The following QSER1 variants were observed in gnomAD, a reference collection of about 807,000 sequenced individuals.
The protein encoded by QSER1 is glutamine and serine rich 1, also known as glutamine and serine-rich protein 1.
Under a neutral mutation model 158.5 loss-of-function variants are expected in QSER1, and 49 were observed. The ratio of observed to expected loss-of-function variants is 0.31; its 90% CI spans 0.25 to 0.39. The LOEUF (loss-of-function observed/expected upper bound fraction) is 0.39. Among genes scored for constraint, QSER1 ranks in the 10% least tolerant of loss-of-function variants. The pLI is 1.00. For missense variants in QSER1, 1,754 were observed against 2,010.3 expected (o/e 0.87, Z 2.44); for synonymous variants, 650 against 715.5 (o/e 0.91, Z 1.46).
At chr11:32,958,152 G>A (rs926210324) in intron 8 of QSER1, 66 bp downstream of exon 8, 2 of 1,214,440 alleles carry the variant, frequency 1.6e-6, no homozygotes, top group Non-Finnish European at 2.4e-6. Flanking sequence ...TGAGGAGCAG[G>A]ATGCTGACAA....
chr11:32,913,116 T>C (rs1044425238), intron 1 of QSER1, among the ~76,000 whole-genome samples: 2 of 151,762 alleles, frequency 1.3e-5, no homozygotes, highest in African/African-American at 4.8e-5. Flanking sequence ...TCTTCATATA[T>C]GTGATTTTTA....
Position 32,954,024 on chromosome 11 carries a change from C to T in QSER1, c.4345C>T (p.Leu1449Phe). ...SSSESSKPIE[L>F]DGLPSDQFAK... ...TTCAGAATCCTCAAAGCCCATTGAA[C>T]TTGATGGTCTTCCTTCAGACCAGTT... Residue 1449 changes from leucine (L) to phenylalanine (F), a missense_variant, in exon 5 of 13, where the codon CTT (leucine) becomes TTT (phenylalanine). Leu to Phe is a conservative substitution (Grantham distance 22, BLOSUM62 0). This residue lies in a region of QSER1 where 1,707 missense variants were observed against 1,919.6 expected (regional missense o/e 0.89). Transcript: ENST00000650167. 6.2e-7 allele frequency: 1 copy of T among 1,614,142 alleles called. No individual in the cohort carries two copies.
Position 32,933,993 on chromosome 11 carries a change from A to C in QSER1, c.2735A>C (p.Gln912Pro). Residue 912 changes from glutamine to proline, a missense_variant, in exon 4 of 13, where the codon CAG becomes CCG. Gln to Pro is a moderately conservative substitution (Grantham distance 76). Transcript: ENST00000650167. The part of the protein sequence containing the change: ...HVIQSNGDHS[Q>P]QQLHPQNSEV... ...ATTCAAAGCAATGGTGATCATTCTC[A>C]GCAGCAACTCCATCCTCAAAATTCT... 1 of 1,613,852 alleles carries C rather than the reference A, an allele frequency of 6.2e-7. No individual in the cohort carries two copies. The highest frequency in any genetic ancestry group is 8.5e-7 in the Non-Finnish European group (1 of 1,179,914).
chr11:32,896,738 A>G (rs1288702532), intron 1 of QSER1, among the ~76,000 whole-genome samples: 2 of 152,130 alleles, frequency 1.3e-5, no homozygotes, highest in Non-Finnish European at 2.9e-5. Context: ...AGTTTTTAGA[A>G]TTCCTAATGC....
rs1283350680 is a variant in QSER1, at chr11:32,904,095, AAC to A, written c.209+10765_209+10766del. Among the ~76,000 whole-genome samples, 22 of 152,246 alleles carry A rather than the reference AAC, an allele frequency of 1.4e-4. 1 individual carries two copies. Among genetic ancestry groups the A allele is most frequent in the African/African-American group, 4.1e-4 (17 of 41,522 alleles). ...GTGACTTTGTTACTAGGCTGCTACT[AAC>A]ACAGTTTCCTTACATTGACTCAGGC... On this transcript the variant is annotated intron_variant, in intron 1 of 12. Coordinates refer to ENST00000650167, the MANE Select transcript of QSER1 (RefSeq NM_001076786.3).
intron 8 of QSER1, among the ~76,000 whole-genome samples, chr11:32,962,026 T>TAAC (rs1852633886): frequency 6.6e-6 from 1 of 152,232 alleles, no homozygotes; most frequent in South Asian, 2.1e-4. Flanking sequence ...TGTCACATAA[T>TAAC]AATCCTATGT....
rs188343122 is a variant in QSER1 at position 32,960,230 on chromosome 11, A to T, written c.4969+2144A>T. Among the ~76,000 whole-genome samples the T allele has an allele frequency of 3.5e-4, 54 of 152,232 alleles. 1 individual carries two copies. In the East Asian group the frequency reaches 4.8e-3, roughly 14 times the overall value. ...CCATAGCTTAAAAAAATAATAATAA[A>T]AAATAAAGCTATTTGTAAATGGTTG... On this transcript the variant is annotated intron_variant, in intron 8 of 12. Coordinates refer to ENST00000650167, the MANE Select transcript of QSER1 (RefSeq NM_001076786.3).
chr11:32,955,673 A>C (rs1362921123), intron 6 of QSER1, among the ~76,000 whole-genome samples: 1 of 152,160 alleles, frequency 6.6e-6, no homozygotes, highest in Non-Finnish European at 1.5e-5. Context: ...TTAGCCTATG[A>C]AGAGTTCAGA....
intron 11 of QSER1, among the ~76,000 whole-genome samples, 185 bp from the exon 12 acceptor site, chr11:32,975,063 A>C (rs1852947812): frequency 6.6e-6 from 1 of 152,138 alleles, no homozygotes; most frequent in South Asian, 2.1e-4. Context: ...ATAAAGAATA[A>C]GATTTTAAAA....
intron 1 of QSER1, among the ~76,000 whole-genome samples, chr11:32,910,595 A>C (rs1851753898): frequency 6.6e-6 from 1 of 152,200 alleles, no homozygotes; most frequent in Non-Finnish European, 1.5e-5. Flanking sequence ...TACCTTTTGC[A>C]TGCATATACT....
At chr11:32,937,946 C>T (rs1852177418) in intron 4 of QSER1, among the ~76,000 whole-genome samples, 1 of 152,148 alleles carries the variant, frequency 6.6e-6, no homozygotes, top group Non-Finnish European at 1.5e-5. Context: ...GACATTATTC[C>T]AGACAGAATT....
In QSER1 at chr11:32,977,424, G is replaced by A. The variant is rs1852996722; in HGVS notation, c.*950G>A. ...TTAGTTTAGCTTTATAAATAGGGCT[G>A]TGTTAGACACTGCAGTAATTTTCTA... On this transcript the variant is annotated 3_prime_UTR_variant, in exon 13 of 13. Transcript: ENST00000650167. The A allele has an allele frequency of 6.6e-6, 1 of 152,610 alleles. No homozygotes were observed. Among genetic ancestry groups the A allele is most frequent in the Non-Finnish European group, 1.5e-5 (1 of 68,010 alleles). 9.5% of individuals were successfully genotyped at this position (152,610 alleles called of 1,614,324 possible).
intron 10 of QSER1, among the ~76,000 whole-genome samples, chr11:32,972,406 C>CTTGCTTATTTAT (rs1219529995): frequency 2.1e-5 from 3 of 140,920 alleles, no homozygotes; most frequent in African/African-American, 7.9e-5. Flanking sequence ...AGGCCAGTGG[C>CTTGCTTATTTAT]TTATTTATTT....
At chr11:32,931,404 C>T (rs1364635328) in intron 3 of QSER1, among the ~76,000 whole-genome samples, 1 of 151,998 alleles carries the variant, frequency 6.6e-6, no homozygotes, top group African/African-American at 2.4e-5. Context: ...CATTGCAAGA[C>T]CCCATCTCTA....
chr11:32,917,297 TATGAATA>T (rs1411619978), intron 1 of QSER1, among the ~76,000 whole-genome samples: 1 of 152,234 alleles, frequency 6.6e-6, no homozygotes, highest in Non-Finnish European at 1.5e-5. Flanking sequence ...TTTTGACTAT[TATGAATA>T]ATGTTGCTAT....
In QSER1 at chr11:32,977,205, C is replaced by CTGA. The variant is rs1190881268; in HGVS notation, c.*733_*735dup. Reference sequence around the variant, plus strand: ...ATTTTCAATTGTACATTTTATTTCACTGATAGTTGTATTTTTCACAAGGAA... The same window carrying CTGA: ...ATTTTCAATTGTACATTTTATTTCACTGATGATAGTTGTATTTTTCACAAGGAA... On this transcript the variant is annotated 3_prime_UTR_variant, in exon 13 of 13. Coordinates refer to ENST00000650167, the MANE Select transcript of QSER1 (RefSeq NM_001076786.3). 6.6e-6 allele frequency: 1 copy of CTGA among 152,484 alleles called. No homozygotes were observed. Among genetic ancestry groups the CTGA allele is most frequent in the Non-Finnish European group, 1.5e-5 (1 of 68,010 alleles). 9.4% of individuals were successfully genotyped at this position (152,484 alleles called of 1,614,324 possible).
At chr11:32,930,901 T>G (rs572297491) in intron 3 of QSER1, among the ~76,000 whole-genome samples, 1 of 152,250 alleles carries the variant, frequency 6.6e-6, no homozygotes, top group African/African-American at 2.4e-5. Flanking sequence ...GACAGTACTT[T>G]GTTAATTTCT....
chr11:32,966,940 TC>T (rs909138746), intron 9 of QSER1, among the ~76,000 whole-genome samples: 3 of 152,156 alleles, frequency 2.0e-5, no homozygotes, highest in Non-Finnish European at 2.9e-5. Context: ...ATTTGAGAAA[TC>T]TCCATACTGT....
chr11:32,949,826 A>G lies in QSER1; in HGVS notation c.4178-4031A>G, dbSNP rs113793080. Among the ~76,000 whole-genome samples, 518 of 152,330 alleles carry G rather than the reference A, an allele frequency of 3.4e-3. 3 individuals carry two copies. The highest frequency in any genetic ancestry group is 0.011 in the African/African-American group (468 of 41,576). ...GAGAATAGCTTTAATTTGGGACAAG[A>G]ACAGGTAGGCTGGCTGGTAGCAACA... On this transcript the variant is annotated intron_variant, in intron 4 of 12. Coordinates refer to ENST00000650167, the MANE Select transcript of QSER1 (RefSeq NM_001076786.3).
Sources: allele counts gnomAD v4.1 joint callset (sites outside exome capture counted in the v4.1 genomes callset), GRCh38; gene constraint gnomAD v4.1.1; regional missense constraint gnomAD v4.1.1; transcripts MANE v1.5; gene names NCBI Gene and HGNC (gene_info 2026-07-23, HGNC 2026-07-21).